Variants in TAS2R1 observed in about 807,000 individuals in gnomAD.
The protein encoded by TAS2R1 is taste receptor type 2 member 1.
For synonymous variants in TAS2R1, 141 were observed against 134.2 expected, an observed-to-expected ratio of 1.05 and a Z score of -0.35; for missense variants, 370 against 353.4, an observed-to-expected ratio of 1.05 and a Z score of -0.38.
the TAS2R1 span, among the ~76,000 whole-genome samples, chr5:9,877,632 C>T: frequency 6.6e-6 from 1 of 152,192 alleles, no homozygotes; most frequent in Non-Finnish European, 1.5e-5. Flanking sequence ...TGGCCCATGC[C>T]ATATCAGAGT....
the TAS2R1 span, among the ~76,000 whole-genome samples, chr5:9,774,627 T>C: frequency 2.6e-5 from 4 of 152,254 alleles, no homozygotes; most frequent in Non-Finnish European, 4.4e-5. Context: ...CTTTTGGTCA[T>C]GTAGCCATAT....
At chr5:9,664,214 C>T (rs1425872031) in intron 1 of TAS2R1, among the ~76,000 whole-genome samples, 1 of 152,204 alleles carries the variant, frequency 6.6e-6, no homozygotes, top group Admixed American at 6.5e-5. Context: ...GGGCCATCAT[C>T]TCTGAATTAA....
At chr5:9,703,518 A>G (rs2126527412) in intron 1 of TAS2R1, among the ~76,000 whole-genome samples, 1 of 152,148 alleles carries the variant, frequency 6.6e-6, no homozygotes. Context: ...GAAGAGGGGG[A>G]CTGTACCTGC....
chr5:9,629,151 G>C lies in TAS2R1; in HGVS notation c.882C>G (p.His294Gln). ...LKQNAKKFLL[H>Q]SKCCQ ...TTCTCTCTCACTGACAGCACTTACT[G>C]TGGAGGAGGAACTTTTTTGCATTTT... The change falls in exon 1 of 1, where the codon CAC becomes CAG. Residue 294 changes from histidine (H) to glutamine (Q), a missense_variant. By Grantham distance (24) the His-to-Gln change is conservative (BLOSUM62 0). Coordinates refer to ENST00000382492, the MANE Select transcript of TAS2R1 (RefSeq NM_019599.3). 6.4e-7 allele frequency: 1 copy of C among 1,570,392 alleles called. No homozygotes were observed. Among genetic ancestry groups the C allele is most frequent in the Non-Finnish European group, 8.6e-7 (1 of 1,160,238 alleles).
the TAS2R1 span, among the ~76,000 whole-genome samples, chr5:9,851,134 C>T: frequency 6.6e-6 from 1 of 152,122 alleles, no homozygotes; most frequent in South Asian, 2.1e-4. Flanking sequence ...GACTAGTATG[C>T]CTCCACACAC....
At chr5:9,746,888 C>G in the TAS2R1 span, among the ~76,000 whole-genome samples, 43 of 152,228 alleles carry the variant, frequency 2.8e-4, 1 homozygote, top group East Asian at 8.3e-3. Flanking sequence ...ACCTATGAAA[C>G]AAACCTGCAA....
chr5:9,879,315 A>C, the TAS2R1 span, among the ~76,000 whole-genome samples: 1 of 152,154 alleles, frequency 6.6e-6, no homozygotes. Context: ...CAGGTCTGTG[A>C]TCTCCTTCTT....
chr5:9,886,024 T>C, the TAS2R1 span, among the ~76,000 whole-genome samples: 7 of 151,914 alleles, frequency 4.6e-5, no homozygotes, highest in Admixed American at 3.9e-4. Flanking sequence ...ATGATTTTTT[T>C]ATATAATTCT....
the TAS2R1 span, among the ~76,000 whole-genome samples, chr5:9,850,306 T>C: frequency 0.71 from 108,403 of 152,188 alleles, 39,301 homozygotes; most frequent in East Asian, 0.86. Flanking sequence ...CTAGGGTCCA[T>C]GTCAAATCCA....
chr5:9,646,189 A>G (rs183345413), intron 2 of TAS2R1, among the ~76,000 whole-genome samples: 8 of 152,234 alleles, frequency 5.3e-5, no homozygotes, highest in Admixed American at 4.6e-4. Flanking sequence ...TTACTTAGAA[A>G]AAATAAAATA....
At chr5:9,855,852 G>C in the TAS2R1 span, among the ~76,000 whole-genome samples, 2 of 152,132 alleles carry the variant, frequency 1.3e-5, no homozygotes, top group African/African-American at 4.8e-5. Context: ...TTGCTTTTTG[G>C]TTTTTGTTTT....
the TAS2R1 span, among the ~76,000 whole-genome samples, chr5:9,726,475 C>T: frequency 1.3e-5 from 2 of 152,146 alleles, no homozygotes; most frequent in Non-Finnish European, 2.9e-5. Flanking sequence ...ACTGTGGAAG[C>T]TTAGTTCTTT....
the TAS2R1 span, among the ~76,000 whole-genome samples, chr5:9,858,781 T>G: frequency 1.3e-5 from 2 of 152,238 alleles, no homozygotes; most frequent in African/African-American, 4.8e-5. Context: ...AAGTGTTCCT[T>G]AAACAACAGC....
intron 1 of TAS2R1, among the ~76,000 whole-genome samples, chr5:9,689,355 T>C (rs1447712349): frequency 6.6e-6 from 1 of 152,168 alleles, no homozygotes; most frequent in Non-Finnish European, 1.5e-5. Context: ...CAGAATTACC[T>C]GGGAACATGT....
chr5:9,850,725 C>A, the TAS2R1 span, among the ~76,000 whole-genome samples: 2 of 152,184 alleles, frequency 1.3e-5, no homozygotes, highest in Non-Finnish European at 2.9e-5. Context: ...GATGGGCACA[C>A]GTGTAAGTAT....
At chr5:9,743,366 C>A in the TAS2R1 span, among the ~76,000 whole-genome samples, 1 of 151,622 alleles carries the variant, frequency 6.6e-6, no homozygotes, top group South Asian at 2.1e-4. Flanking sequence ...ATGTGCACAA[C>A]GTGCAGGTTT....
At chr5:9,879,397 G>A in the TAS2R1 span, among the ~76,000 whole-genome samples, 830 of 152,280 alleles carry the variant, frequency 5.5e-3, 10 homozygotes, top group African/African-American at 0.017. Context: ...TCTCCTGCAG[G>A]TTGCCCACAT....
the TAS2R1 span, among the ~76,000 whole-genome samples, chr5:9,740,329 C>T: frequency 1.5e-3 from 230 of 152,290 alleles, 1 homozygote; most frequent in African/African-American, 5.1e-3. Context: ...AACCTGCCCC[C>T]AAAGACCCAG....
intron 1 of TAS2R1, among the ~76,000 whole-genome samples, chr5:9,705,209 C>T (rs1741577652): frequency 6.6e-6 from 1 of 152,134 alleles, no homozygotes; most frequent in African/African-American, 2.4e-5. Flanking sequence ...CTTCTCTGTG[C>T]ATGGACCATT....
Sources: gnomAD v4.1 joint callset for allele counts (sites outside exome capture counted in the v4.1 genomes callset) on GRCh38, gnomAD v4.1.1 for gene constraint, MANE v1.5 for transcripts, NCBI Gene and HGNC (gene_info 2026-07-23, HGNC 2026-07-21) for gene names.